MAP3K13: variants seen among roughly 807,000 people sequenced by gnomAD.
The protein encoded by MAP3K13 is mitogen-activated protein kinase kinase kinase 13.
A neutral mutation model predicts 104.0 loss-of-function variants in MAP3K13; 52 were observed. That is an observed-to-expected ratio of 0.50 (90% CI 0.40 to 0.63). MAP3K13 has a LOEUF of 0.63. Among genes scored for constraint, MAP3K13 ranks in the 20% least tolerant of loss-of-function variants. The probability of loss-of-function intolerance (pLI) is 0.00; values close to 1 mark genes in which losing one functional copy is unlikely to be tolerated. For missense variants in MAP3K13, 914 were observed against 1,218.5 expected (o/e 0.75, Z 3.72); for synonymous variants, 394 against 442.2 (o/e 0.89, Z 1.37).
At chr3:185,325,730 TC>T (rs1722023429) in intron 2 of MAP3K13, among the ~76,000 whole-genome samples, 1 of 152,206 alleles carries the variant, frequency 6.6e-6, no homozygotes, top group South Asian at 2.1e-4. Flanking sequence ...TCACATTCTG[TC>T]CTTTGGCTGC....
rs79415691 is a variant in MAP3K13 at position 185,318,458 on chromosome 3, T to A, written c.-86+32815T>A. Among the ~76,000 whole-genome samples, 127 of 152,360 alleles carry A rather than the reference T, an allele frequency of 8.3e-4. 1 individual carries two copies. In the East Asian group the frequency reaches 0.018, roughly 21 times the overall value. ...TAGATACACAGTGAAATGTTGACTG[T>A]TTAGAAAATAGCAAAAGCAGTTATT... is the stretch of plus-strand genomic sequence containing the variant. On this transcript the variant is annotated intron_variant, in intron 2 of 14. Coordinates refer to the MAP3K13 transcript ENST00000424227.
At chr3:185,319,259 G>A (rs1721778516) in intron 2 of MAP3K13, among the ~76,000 whole-genome samples, 1 of 152,168 alleles carries the variant, frequency 6.6e-6, no homozygotes, top group Non-Finnish European at 1.5e-5. Context: ...GTTGATGGAT[G>A]AGCATTGTGA....
chr3:185,333,008 T>C (rs1722339477), intron 2 of MAP3K13, among the ~76,000 whole-genome samples: 1 of 152,250 alleles, frequency 6.6e-6, no homozygotes, highest in South Asian at 2.1e-4. Flanking sequence ...ATAGTTTTAA[T>C]TTGTATTTCT....
rs547912448 is a variant in MAP3K13 at position 185,323,613 on chromosome 3, G to A, written c.-86+37970G>A. Among the ~76,000 whole-genome samples the A allele has an allele frequency of 1.2e-4, 19 of 152,178 alleles. No homozygotes were observed. The South Asian group carries it at 3.7e-3, about 30-fold the overall frequency. ...CTCCCAAAGTGCTGGGATTCCAGGC[G>A]TGAGCCACCGTGCCTGGCCACAGTC... is the stretch of plus-strand genomic sequence containing the variant. On this transcript the variant is annotated intron_variant, in intron 2 of 14. Transcript: ENST00000424227.
At chr3:185,357,225 A>AC (rs1723397155) in intron 2 of MAP3K13, among the ~76,000 whole-genome samples, 1 of 151,796 alleles carries the variant, frequency 6.6e-6, no homozygotes, top group Non-Finnish European at 1.5e-5. Flanking sequence ...CGGGCGGATC[A>AC]CCTGAGGTCA....
chr3:185,474,463 A>G (rs1717992826), intron 11 of MAP3K13, among the ~76,000 whole-genome samples: 1 of 152,256 alleles, frequency 6.6e-6, no homozygotes, highest in South Asian at 2.1e-4. Flanking sequence ...TAAGAAGCAC[A>G]GTATTCTCTC....
rs1341744791 is a variant in MAP3K13, at chr3:185,486,416, T to C, written c.*3960T>C. 6.6e-6 allele frequency: 1 copy of C among 152,118 alleles called. No homozygotes were observed. Among genetic ancestry groups the C allele is most frequent in the Non-Finnish European group, 1.5e-5 (1 of 68,038 alleles). The allele number at this position is 152,118 out of a possible 1,614,324, so 9.4% of individuals were successfully genotyped here. A position where few individuals can be genotyped will look rare whatever the true frequency, so the allele number is the denominator to read the frequency against. On this transcript the variant is annotated 3_prime_UTR_variant, in exon 14 of 14. Coordinates refer to ENST00000265026, the MANE Select transcript of MAP3K13 (RefSeq NM_004721.5). The stretch of plus-strand genomic sequence containing the variant: ...GGAGAATAAGGTCCTTAGTGGAGGT[T>C]AAAAAGGGAAATACCTTCTCTAGCC...
chr3:185,350,954 C>T (rs969202050), intron 2 of MAP3K13, among the ~76,000 whole-genome samples: 1 of 152,084 alleles, frequency 6.6e-6, no homozygotes, highest in Non-Finnish European at 1.5e-5. Context: ...ATAGCACAAA[C>T]GTGGAATCAA....
rs1178096927 is a variant in MAP3K13 at position 185,464,689 on chromosome 3, A to G, written c.1388+1030A>G. Among the ~76,000 whole-genome samples, 9 of 152,332 alleles carry G rather than the reference A, an allele frequency of 5.9e-5. No individual in the cohort carries two copies. In the East Asian group the frequency reaches 1.7e-3, roughly 29 times the overall value. On this transcript the variant is annotated intron_variant, in intron 8 of 13. Transcript: ENST00000265026. ...CAGTATTTCTTCTAGCAGTGTGAGAACAGACTAAGACAATCACAGCTGAGT... is the reference window on the plus strand; with the variant it reads ...CAGTATTTCTTCTAGCAGTGTGAGAGCAGACTAAGACAATCACAGCTGAGT...
At chr3:185,387,338 C>A (rs1459350042) in intron 1 of MAP3K13, among the ~76,000 whole-genome samples, 1 of 152,052 alleles carries the variant, frequency 6.6e-6, no homozygotes, top group Non-Finnish European at 1.5e-5. Flanking sequence ...AAGAGCCTGG[C>A]ACCTCCCCAC....
At chr3:185,440,081 C>A (rs1715243350) in intron 3 of MAP3K13, among the ~76,000 whole-genome samples, 1 of 152,166 alleles carries the variant, frequency 6.6e-6, no homozygotes, top group Non-Finnish European at 1.5e-5. Flanking sequence ...TTAATAAAAA[C>A]CACATACAGA....
chr3:185,473,411 T>C lies in MAP3K13; in HGVS notation c.2080T>C (p.Ser694Pro). ...SNHAQRQLPGSSPDLISTAMA... is the reference protein window; with the variant it reads ...SNHAQRQLPGPSPDLISTAMA... ...CCATGCTCAGAGACAGCTGCCCGGC[T>C]CGAGCCCTGACCTCATCTCCACAGC... The change falls in exon 11 of 14, where the codon TCG becomes CCG. Residue 694 changes from serine to proline, a missense_variant. Coordinates refer to ENST00000265026, the MANE Select transcript of MAP3K13 (RefSeq NM_004721.5). The surrounding 1 kb of genome is among the most constrained non-coding windows in gnomAD (Gnocchi z 4.9). 1 of 1,614,158 alleles carries C rather than the reference T, an allele frequency of 6.2e-7. No homozygotes were observed. The highest frequency in any genetic ancestry group is 8.5e-7 in the Non-Finnish European group (1 of 1,180,038).
At chr3:185,329,893 CTTTTTTTTTTTT>C (rs71162293) in intron 2 of MAP3K13, among the ~76,000 whole-genome samples, 16 of 104,662 alleles carry the variant, frequency 1.5e-4, no homozygotes, top group African/African-American at 4.9e-4. Context: ...AGCCAGTAGC[CTTTTTTTTTTTT>C]TTTTTTTTTG....
intron 2 of MAP3K13, among the ~76,000 whole-genome samples, chr3:185,323,044 G>GA (rs1721919602): frequency 6.6e-6 from 1 of 151,712 alleles, no homozygotes. Context: ...TGTTTATTGG[G>GA]AAAAAAGTCT....
At chr3:185,316,988 G>A (rs1721701186) in intron 2 of MAP3K13, among the ~76,000 whole-genome samples, 1 of 152,158 alleles carries the variant, frequency 6.6e-6, no homozygotes, top group South Asian at 2.1e-4. Flanking sequence ...TCCAGCCACT[G>A]TTATAAAATA....
intron 2 of MAP3K13, among the ~76,000 whole-genome samples, chr3:185,305,294 TGG>T (rs1721252368): frequency 6.6e-6 from 1 of 152,204 alleles, no homozygotes; most frequent in Non-Finnish European, 1.5e-5. Context: ...GGTATTTTCT[TGG>T]TGTTTACAAT....
At chr3:185,442,538 T>C (rs1005016247) in intron 3 of MAP3K13, among the ~76,000 whole-genome samples, 1 of 127,640 alleles carries the variant, frequency 7.8e-6, no homozygotes, top group African/African-American at 2.6e-5. Context: ...CTTTTTTTTC[T>C]TTTTTTTTTT....
At chr3:185,478,393 C>A in intron 12 of MAP3K13, among the ~76,000 whole-genome samples, 1 of 152,158 alleles carries the variant, frequency 6.6e-6, no homozygotes, top group East Asian at 1.9e-4. Context: ...TCCCTACAAA[C>A]CAAAGGACTC....
intron 3 of MAP3K13, among the ~76,000 whole-genome samples, chr3:185,438,756 T>C (rs1322320762): frequency 6.6e-6 from 1 of 152,196 alleles, no homozygotes; most frequent in African/African-American, 2.4e-5. Context: ...ACTAGCCTTT[T>C]AATGTTGCCC....
Sources: gnomAD v4.1 joint callset for allele counts (sites outside exome capture counted in the v4.1 genomes callset) on GRCh38, gnomAD v4.1.1 for gene constraint, Gnocchi (gnomAD v3.1) non-coding constraint, MANE v1.5 for transcripts, NCBI Gene and HGNC (gene_info 2026-07-23, HGNC 2026-07-21) for gene names.